FAM110C: variants seen among roughly 807,000 people sequenced by gnomAD.
The protein encoded by FAM110C is protein FAM110C.
A neutral mutation model predicts 15.7 loss-of-function variants in FAM110C; 19 were observed. The observed-to-expected ratio is 1.21, with a 90% CI of 0.85 to 1.78. The LOEUF is 1.78. Ranked by LOEUF, FAM110C falls within the 40% of genes most tolerant of loss-of-function variation. The pLI, the probability that FAM110C is intolerant of heterozygous loss-of-function variation, is 0.00. For synonymous variants in FAM110C, 275 were observed against 233.9 expected (o/e 1.18, Z -1.61); for missense variants, 547 against 495.7 (o/e 1.10, Z -0.98).
rs1221865686 is a variant in FAM110C at position 43,024 on chromosome 2, A to G, written c.947-1397T>C. 3 of 985,356 alleles carry G rather than the reference A, an allele frequency of 3.0e-6. No homozygotes were observed. In the African/African-American group the frequency reaches 5.2e-5, roughly 17 times the overall value. 61.0% of individuals were successfully genotyped at this position (985,356 alleles called of 1,614,324 possible). Reference sequence around the variant, plus strand: ...GTGGCTTTCCCTGCTGGTCTCCTCCAGTGGGAACACCAGTGCTGGGAGGTG... The same window carrying G: ...GTGGCTTTCCCTGCTGGTCTCCTCCGGTGGGAACACCAGTGCTGGGAGGTG... On this transcript the variant is annotated intron_variant, in intron 1 of 1. Transcript: ENST00000327669.
chr2:43,765 C>T, intron 1 of FAM110C: 3 of 985,448 alleles, frequency 3.0e-6, no homozygotes, highest in Non-Finnish European at 3.6e-6. Flanking sequence ...ACTGCCTGCA[C>T]ATGCTATGGC....
chr2:45,899 C>A lies in FAM110C; in HGVS notation c.487G>T (p.Ala163Ser), dbSNP rs530141927. The A allele has an allele frequency of 7.1e-7, 1 of 1,415,722 alleles. No individual in the cohort carries two copies. Among genetic ancestry groups the A allele is most frequent in the South Asian group, 1.6e-5 (1 of 63,684 alleles). The allele number at this position is 1,415,722 out of a possible 1,614,324, so 87.7% of individuals were successfully genotyped here. A position where few individuals can be genotyped will look rare whatever the true frequency, so the allele number is the denominator to read the frequency against. Residue 163 changes from alanine (A) to serine (S), a missense_variant, in exon 1 of 2, where the codon GCA (alanine) becomes TCA (serine). By Grantham distance (99) the Ala-to-Ser change is moderately conservative. Coordinates refer to ENST00000327669, the MANE Select transcript of FAM110C (RefSeq NM_001077710.3). ...PTTPGPAADP[A>S]IPETPAPAAR... Reference sequence around the variant, plus strand: ...GCTGGGGCTGGGGTCTCGGGGATTGCGGGGTCCGCCGCGGGGCCAGGAGTG... The same window carrying A: ...GCTGGGGCTGGGGTCTCGGGGATTGAGGGGTCCGCCGCGGGGCCAGGAGTG...
At position 46,273 on chromosome 2, in the gene FAM110C, T is replaced by A; in HGVS notation, c.113A>T (p.Glu38Val). ...AARPARRSAV[E>V]RLAADRAKYV... Reference sequence around the variant, plus strand: ...CTTGGCGCGATCCGCCGCCAGCCTCTCCACTGCGCTCCTGCGCGCCGGCCG... The same window carrying A: ...CTTGGCGCGATCCGCCGCCAGCCTCACCACTGCGCTCCTGCGCGCCGGCCG... The change falls in exon 1 of 2, where the codon GAG becomes GTG. Residue 38 changes from glutamate to valine, a missense_variant. Physicochemically the swap from Glu to Val is moderately radical, Grantham distance 121. Coordinates refer to ENST00000327669, the MANE Select transcript of FAM110C (RefSeq NM_001077710.3). 1.4e-6 allele frequency: 2 copies of A among 1,388,050 alleles called. No individual in the cohort carries two copies. Among genetic ancestry groups the A allele is most frequent in the Admixed American group, 3.2e-5 (1 of 31,436 alleles). The allele number at this position is 1,388,050 out of a possible 1,614,324, so 86.0% of individuals were successfully genotyped here. A position where few individuals can be genotyped will look rare whatever the true frequency, so the allele number is the denominator to read the frequency against.
rs57943584 is a variant in FAM110C, at chr2:43,953, C to T, written c.946+1487G>A. On this transcript the variant is annotated intron_variant, in intron 1 of 1. Transcript: ENST00000327669. ...CTCCCTTCTTTTTATGGACAAAGGA[C>T]GCCTGGTCTATAGTGCAGGAATCAT... 461 of 985,378 alleles carry T rather than the reference C, an allele frequency of 4.7e-4. 4 individuals are homozygous for T. In the East Asian group the frequency reaches 7.7e-3, roughly 17 times the overall value. The allele number at this position is 985,378 out of a possible 1,614,324, so 61.0% of individuals were successfully genotyped here. A position where few individuals can be genotyped will look rare whatever the true frequency, so the allele number is the denominator to read the frequency against.
In FAM110C at chr2:45,489, G is replaced by C. The variant is rs764968664; in HGVS notation, c.897C>G (p.Thr299=). ...TGGGGGTCTCCTTGGCCTTCTTACA[G>C]GTGTACAGCCACTTGATGATGCGGG... ...RNARIIKWLY[T]CKKAKETPSQ... Residue 299 remains threonine (T), a synonymous_variant, in exon 1 of 2, where the codon ACC becomes ACG. Coordinates refer to ENST00000327669, the MANE Select transcript of FAM110C (RefSeq NM_001077710.3). 1.9e-6 allele frequency: 3 copies of C among 1,614,102 alleles called. No homozygotes were observed. The highest frequency in any genetic ancestry group is 2.5e-6 in the Non-Finnish European group (3 of 1,179,978).
At position 46,316 on chromosome 2, in the gene FAM110C, G is replaced by C. The variant is rs1010211820; in HGVS notation, c.70C>G (p.Arg24Gly). The C allele has an allele frequency of 9.4e-5, 125 of 1,327,490 alleles. No individual in the cohort carries two copies. The highest frequency in any genetic ancestry group is 1.2e-4 in the Non-Finnish European group (124 of 1,046,046). 82.2% of individuals were successfully genotyped at this position (1,327,490 alleles called of 1,614,324 possible). Residue 24 changes from arginine to glycine, a missense_variant, in exon 1 of 2, where the codon CGG becomes GGG. Physicochemically the swap from Arg to Gly is moderately radical, Grantham distance 125. Transcript: ENST00000327669. ...RLLPRDPAAT[R>G]DPDAARPARR... ...GCCGGCCGCGCGGCGTCGGGGTCCC[G>C]GGTAGCCGCGGGGTCCCGGGGAAGG...
At chr2:44,159 ATGTT>A (rs1558181332) in intron 1 of FAM110C, 1 of 985,448 alleles carries the variant, frequency 1.0e-6, no homozygotes, top group Non-Finnish European at 1.2e-6. Context: ...CTACAAATTA[ATGTT>A]TGTTTGCTTT....
In FAM110C at chr2:46,361, C is replaced by A. The variant is rs974379435; in HGVS notation, c.25G>T (p.Ala9Ser). The change falls in exon 1 of 2, where the codon GCG becomes TCG. Residue 9 changes from alanine to serine, a missense_variant. Transcript: ENST00000327669. ...GGAAGGAGCCGCTCGTTCGGGGGCG[C>A]GCTCAGGGCCGCCAGGGCGCGCATC... MRALAALS[A>S]PPNERLLPRD... is the part of the protein sequence containing the mutation. The A allele has an allele frequency of 1.5e-6, 2 of 1,302,010 alleles. No homozygotes were observed. Among genetic ancestry groups the A allele is most frequent in the African/African-American group, 1.5e-5 (1 of 64,598 alleles). The allele number at this position is 1,302,010 out of a possible 1,614,324, so 80.7% of individuals were successfully genotyped here.
At chr2:43,729 C>T (rs1664191700) in intron 1 of FAM110C, 1 of 985,374 alleles carries the variant, frequency 1.0e-6, no homozygotes, top group Non-Finnish European at 1.2e-6. Flanking sequence ...ATTACCTCCC[C>T]ACTATTTATA....
rs538985494 is a variant in FAM110C at position 45,933 on chromosome 2, C to T, written c.453G>A (p.Thr151=). 2 of 1,415,188 alleles carry T rather than the reference C, an allele frequency of 1.4e-6. No individual in the cohort carries two copies. Among genetic ancestry groups the T allele is most frequent in the Non-Finnish European group, 9.1e-7 (1 of 1,095,008 alleles). The allele number at this position is 1,415,188 out of a possible 1,614,324, so 87.7% of individuals were successfully genotyped here. A position where few individuals can be genotyped will look rare whatever the true frequency, so the allele number is the denominator to read the frequency against. Reference sequence around the variant, plus strand: ...CCGCGGGGCCAGGAGTGGTCGGGACCGTCTCCGGGTTCCCGGCCTTGCCCT... The same window carrying T: ...CCGCGGGGCCAGGAGTGGTCGGGACTGTCTCCGGGTTCCCGGCCTTGCCCT... The part of the protein sequence containing the change: ...GDEGKAGNPE[T]VPTTPGPAAD... The change falls in exon 1 of 2, where the codon ACG becomes ACA. Residue 151 remains threonine (T), a synonymous_variant. Transcript: ENST00000327669.
chr2:42,007 T>C, intron 1 of FAM110C: 1 of 985,424 alleles, frequency 1.0e-6, no homozygotes, highest in Non-Finnish European at 1.2e-6. Flanking sequence ...ACTAAATATC[T>C]GAGGGCAAAC....
Position 45,867 on chromosome 2 carries a change from C to G in FAM110C, c.519G>C (p.Arg173=). 1 of 1,494,792 alleles carries G rather than the reference C, an allele frequency of 6.7e-7. No individual in the cohort carries two copies. The highest frequency in any genetic ancestry group is 8.8e-7 in the Non-Finnish European group (1 of 1,131,260). The allele number at this position is 1,494,792 out of a possible 1,614,324, so 92.6% of individuals were successfully genotyped here. The change falls in exon 1 of 2, where the codon CGG becomes CGC. Residue 173 remains arginine (R), a synonymous_variant. Transcript: ENST00000327669. ...AIPETPAPAA[R]SAAPSSVPAA... ...CCGGGACACTGGAGGGCGCCGCGGA[C>G]CGCGCGGCTGGGGCTGGGGTCTCGG...
At chr2:45,267 G>T (rs878877744) in intron 1 of FAM110C, 173 bp downstream of exon 1, 6 of 985,370 alleles carry the variant, frequency 6.1e-6, no homozygotes, top group Non-Finnish European at 7.2e-6. Context: ...TCAGCAGCGG[G>T]GGCTCAACTC....
At position 39,983 on chromosome 2, in the gene FAM110C, G is replaced by A. The variant is rs564782215; in HGVS notation, c.*1625C>T. 2 of 152,298 alleles carry A rather than the reference G, an allele frequency of 1.3e-5. No individual in the cohort carries two copies. Among genetic ancestry groups the A allele is most frequent in the Admixed American group, 6.5e-5 (1 of 15,308 alleles). The allele number at this position is 152,298 out of a possible 1,614,324, so 9.4% of individuals were successfully genotyped here. On this transcript the variant is annotated 3_prime_UTR_variant, in exon 2 of 2. Transcript: ENST00000327669. ...AAATTCTTAGATCAGGGGACCTGCT[G>A]TCCTGACAGAGTCTATATTCGGCCA...
intron 1 of FAM110C, chr2:41,896 T>A (rs528183041): frequency 1.0e-6 from 1 of 985,426 alleles, no homozygotes; most frequent in East Asian, 1.1e-4. Flanking sequence ...TGCCTCCAAC[T>A]ACTCATGGGG....
At chr2:43,531 T>C (rs982784112) in intron 1 of FAM110C, 1 of 985,460 alleles carries the variant, frequency 1.0e-6, no homozygotes, top group Non-Finnish European at 1.2e-6. Context: ...TCTTATATTT[T>C]TCATAGGTCC....
rs1456562077 is a variant in FAM110C at position 45,833 on chromosome 2, G to T, written c.553C>A (p.Pro185Thr). ...CTCACCACCCGCGGCTCTGGCCCAG[G>T]GGGCGCGGCCGGGACACTGGAGGGC... ...AAPSSVPAAP[P>T]GPEPRVVRRR... The change falls in exon 1 of 2, where the codon CCT becomes ACT. Residue 185 changes from proline to threonine, a missense_variant. Transcript: ENST00000327669. 1 of 1,540,630 alleles carries T rather than the reference G, an allele frequency of 6.5e-7. No homozygotes were observed.
Position 41,028 on chromosome 2 carries a change from A to T in FAM110C, c.*580T>A, listed in dbSNP as rs1264445053. 6.6e-6 allele frequency: 1 copy of T among 152,254 alleles called. No individual in the cohort carries two copies. The highest frequency in any genetic ancestry group is 2.4e-5 in the African/African-American group (1 of 41,452). The allele number at this position is 152,254 out of a possible 1,614,324, so 9.4% of individuals were successfully genotyped here. The stretch of plus-strand genomic sequence containing the variant: ...TGCTTTCTGACTTGTTAAATAAGAT[A>T]AACAGTAGTATAATTTGGGAATTAA... On this transcript the variant is annotated 3_prime_UTR_variant, in exon 2 of 2. Transcript: ENST00000327669.
At chr2:43,729 C>A in intron 1 of FAM110C, 1 of 985,374 alleles carries the variant, frequency 1.0e-6, no homozygotes, top group African/African-American at 1.7e-5. Context: ...ATTACCTCCC[C>A]ACTATTTATA....
Sources: gnomAD v4.1 joint callset for allele counts on GRCh38, gnomAD v4.1.1 for gene constraint, MANE v1.5 for transcripts, NCBI Gene and HGNC (gene_info 2026-07-23, HGNC 2026-07-21) for gene names.